Variants in CDC42BPA observed in about 807,000 individuals in gnomAD.
The protein encoded by CDC42BPA is serine/threonine-protein kinase MRCK alpha.
In CDC42BPA, 80 loss-of-function variants were observed where a neutral mutation model predicts 223.5. The observed-to-expected ratio is 0.36, with a 90% CI of 0.30 to 0.43. CDC42BPA has a LOEUF of 0.43. CDC42BPA is among the 20% of genes least tolerant of loss of function. The pLI is 1.00. For missense variants in CDC42BPA, 1,743 were observed against 2,099.9 expected (o/e 0.83, Z 3.32); for synonymous variants, 694 against 718.6 (o/e 0.97, Z 0.55).
At chr1:227,092,055 A>T (rs1178878667) in intron 15 of CDC42BPA, 64 bp from the exon 16 acceptor site, 8 of 876,386 alleles carry the variant, frequency 9.1e-6, no homozygotes, top group Non-Finnish European at 1.4e-5. Context: ...ACTTGAAATT[A>T]TTTTTCCAAT....
chr1:227,036,117 T>C (rs1670173588), intron 24 of CDC42BPA, among the ~76,000 whole-genome samples: 2 of 152,180 alleles, frequency 1.3e-5, no homozygotes, highest in African/African-American at 4.8e-5. Flanking sequence ...TTATTACATA[T>C]ACTTAAACTA....
intron 21 of CDC42BPA, chr1:227,068,608 A>C: frequency 5.3e-6 from 5 of 936,676 alleles, no homozygotes; most frequent in Non-Finnish European, 6.9e-6. Flanking sequence ...CAATTCACTG[A>C]TCTTTTTTAC....
Position 227,026,075 on chromosome 1 carries a change from G to T in CDC42BPA, c.4510C>A (p.Gln1504Lys). The change falls in exon 31 of 37, where the codon CAG (glutamine) becomes AAG (lysine). Residue 1504 changes from glutamine to lysine, a missense_variant. Physicochemically the swap from Gln to Lys is moderately conservative, Grantham distance 53. This residue lies in a region of CDC42BPA where 678 missense variants were observed against 777.5 expected (regional missense o/e 0.87). Transcript: ENST00000366766. ...ATTACCTTTTTGAGAGGAAGAGTCT[G>T]AATCCATTCCATGGAGTTCACATCA... ...IFDVNSMEWI[Q>K]TLPLKKVRPL... 1 of 1,593,314 alleles carries T rather than the reference G, an allele frequency of 6.3e-7. No homozygotes were observed. Among genetic ancestry groups the T allele is most frequent in the African/African-American group, 1.3e-5 (1 of 74,374 alleles).
chr1:227,069,951 A>G (rs1677927782), intron 20 of CDC42BPA, 98 bp from the exon 21 acceptor site: 2 of 708,532 alleles, frequency 2.8e-6, no homozygotes, highest in Admixed American at 2.6e-5. Flanking sequence ...CAGTTCACAA[A>G]CTACTGTATT....
intron 10 of CDC42BPA, among the ~76,000 whole-genome samples, chr1:227,138,798 T>C (rs1659137885): frequency 6.6e-6 from 1 of 152,130 alleles, no homozygotes; most frequent in African/African-American, 2.4e-5. Context: ...GTTGGGGTTC[T>C]GCCAAAGGTA....
At chr1:227,056,058 G>A (rs957454330) in intron 21 of CDC42BPA, among the ~76,000 whole-genome samples, 11 of 152,012 alleles carry the variant, frequency 7.2e-5, no homozygotes, top group African/African-American at 1.2e-4. Context: ...TCCCCCCGCC[G>A]CCCAGGATCA....
chr1:227,173,709 G>T (rs959518178), intron 5 of CDC42BPA, among the ~76,000 whole-genome samples: 1 of 151,912 alleles, frequency 6.6e-6, no homozygotes, highest in Non-Finnish European at 1.5e-5. Context: ...TCCACATGTG[G>T]TATTTTTTTT....
intron 2 of CDC42BPA, among the ~76,000 whole-genome samples, chr1:227,251,919 G>A (rs1682080818): frequency 6.6e-6 from 1 of 151,908 alleles, no homozygotes; most frequent in African/African-American, 2.4e-5. Context: ...TAAATGTTTA[G>A]AAATTTTTTT....
At chr1:227,044,012 C>T (rs933471843) in intron 23 of CDC42BPA, among the ~76,000 whole-genome samples, 5 of 152,008 alleles carry the variant, frequency 3.3e-5, no homozygotes, top group Admixed American at 6.5e-5. Flanking sequence ...ACATCCATGA[C>T]GTCATCTTAC....
At chr1:227,257,706 A>AT (rs1271671391) in intron 1 of CDC42BPA, among the ~76,000 whole-genome samples, 1 of 150,814 alleles carries the variant, frequency 6.6e-6, no homozygotes, top group Non-Finnish European at 1.5e-5. Flanking sequence ...GTGAGCCAAG[A>AT]TTATGCCACT....
intron 11 of CDC42BPA, 94 bp from the exon 12 acceptor site, chr1:227,120,031 ATTTT>A: frequency 1.1e-6 from 1 of 931,962 alleles, no homozygotes; most frequent in Non-Finnish European, 1.6e-6. Context: ...TAAAATTGGT[ATTTT>A]CAATTTAGTG....
intron 20 of CDC42BPA, among the ~76,000 whole-genome samples, chr1:227,071,710 T>TC (rs1321893466): frequency 0.048 from 556 of 11,538 alleles, 2 homozygotes; most frequent in Middle Eastern, 0.1. Context: ...TGAAAGTGAA[T>TC]CCCACCCCCC....
intron 26 of CDC42BPA, 127 bp from the exon 27 acceptor site, chr1:227,033,542 A>G (rs1669702990): frequency 1.6e-6 from 1 of 620,066 alleles, no homozygotes. Context: ...TTTTTTAAAA[A>G]AATTAATTTT....
At chr1:227,045,868 G>A (rs2148818459) in intron 23 of CDC42BPA, among the ~76,000 whole-genome samples, 1 of 152,154 alleles carries the variant, frequency 6.6e-6, no homozygotes, top group South Asian at 2.1e-4. Flanking sequence ...GTTTAGTGGT[G>A]CGATCTCAGC....
At chr1:227,272,808 T>A (rs1686182496) in intron 1 of CDC42BPA, among the ~76,000 whole-genome samples, 1 of 152,212 alleles carries the variant, frequency 6.6e-6, no homozygotes, top group African/African-American at 2.4e-5. Context: ...AATAATTATT[T>A]TTTTAATGAA....
chr1:227,251,096 G>C (rs1681924520), intron 2 of CDC42BPA, among the ~76,000 whole-genome samples: 1 of 151,962 alleles, frequency 6.6e-6, no homozygotes, highest in African/African-American at 2.4e-5. Context: ...TAAGTCAAAA[G>C]GAAAATGATC....
intron 1 of CDC42BPA, among the ~76,000 whole-genome samples, chr1:227,254,977 G>A (rs1162048120): frequency 6.6e-6 from 1 of 151,980 alleles, no homozygotes; most frequent in Non-Finnish European, 1.5e-5. Context: ...AATAATCCAT[G>A]GTAAAGAATT....
intron 5 of CDC42BPA, among the ~76,000 whole-genome samples, chr1:227,170,323 T>C (rs1472979762): frequency 2.6e-5 from 4 of 152,040 alleles, no homozygotes; most frequent in Non-Finnish European, 2.9e-5. Context: ...GCAGCACCAA[T>C]TGGCTAGCTA....
intron 5 of CDC42BPA, among the ~76,000 whole-genome samples, chr1:227,166,266 A>G (rs1665017181): frequency 6.6e-6 from 1 of 152,194 alleles, no homozygotes; most frequent in Non-Finnish European, 1.5e-5. Context: ...CTTCGAAATA[A>G]CGAGGCCTCA....
Sources: allele counts gnomAD v4.1 joint callset (sites outside exome capture counted in the v4.1 genomes callset), GRCh38; gene constraint gnomAD v4.1.1; regional missense constraint gnomAD v4.1.1; transcripts MANE v1.5; gene names NCBI Gene and HGNC (gene_info 2026-07-23, HGNC 2026-07-21).